The following MYL9 variants were observed in gnomAD, a reference collection of about 807,000 sequenced individuals.
MYL9 encodes myosin light chain 9, also known as myosin regulatory light polypeptide 9.
In MYL9, 7 loss-of-function variants were observed where a neutral mutation model predicts 12.8. The ratio of observed to expected loss-of-function variants is 0.55; its 90% CI spans 0.31 to 1.03. The LOEUF (loss-of-function observed/expected upper bound fraction) is 1.03. Among genes scored for constraint, MYL9 ranks in the 50% least tolerant of loss-of-function variants. The probability of loss-of-function intolerance (pLI) is 0.05; values close to 1 mark genes in which losing one functional copy is unlikely to be tolerated. For missense variants in MYL9, 190 were observed against 242.7 expected, an observed-to-expected ratio of 0.78 and a Z score of 1.44; for synonymous variants, 81 against 87.8, an observed-to-expected ratio of 0.92 and a Z score of 0.43.
At chr20:36,548,953 G>A (rs2038136563) in intron 3 of MYL9, 124 bp from the exon 4 acceptor site, 3 of 1,006,664 alleles carry the variant, frequency 3.0e-6, no homozygotes, top group East Asian at 2.6e-5. Context: ...ACTGACCAGA[G>A]ACTAAGATTG....
chr20:36,545,424 A>G (rs1285053764), intron 2 of MYL9, among the ~76,000 whole-genome samples: 10 of 150,030 alleles, frequency 6.7e-5, no homozygotes, highest in South Asian at 2.1e-4. Flanking sequence ...GTGAACCCGG[A>G]AAGCGGAGGT....
At chr20:36,545,120 C>A in intron 2 of MYL9, 52 bp downstream of exon 2, 2 of 1,586,394 alleles carry the variant, frequency 1.3e-6, no homozygotes, top group Admixed American at 1.7e-5. Context: ...GCAGGCTCTG[C>A]CAATCATTTA....
At position 36,551,093 on chromosome 20, in the gene MYL9, G is replaced by A. The variant is rs694379; in HGVS notation, c.*1844G>A. The A allele has an allele frequency of 0.62, 94,446 of 152,750 alleles. 32,448 individuals carry two copies. Among genetic ancestry groups the A allele is most frequent in the Non-Finnish European group, 0.79 (53,916 of 68,546 alleles). 9.5% of individuals were successfully genotyped at this position (152,750 alleles called of 1,614,324 possible). ...CGTCATCTAGATGTCAAGCCCCAGCGTGCGATTCTGTCACAGTTCACCCCA... is the reference window on the plus strand; with the variant it reads ...CGTCATCTAGATGTCAAGCCCCAGCATGCGATTCTGTCACAGTTCACCCCA... On this transcript the variant is annotated 3_prime_UTR_variant, in exon 4 of 4. Transcript: ENST00000279022.
At chr20:36,544,569 C>T (rs189472655) in intron 1 of MYL9, among the ~76,000 whole-genome samples, 7 of 152,316 alleles carry the variant, frequency 4.6e-5, no homozygotes, top group South Asian at 2.1e-4. Flanking sequence ...ATTCCATGCC[C>T]GGCACTGTTC....
rs753512002 is a variant in MYL9, at chr20:36,548,012, G to T, written c.185-20G>T. On this transcript the variant is annotated intron_variant, in intron 2 of 3. Transcript: ENST00000279022. ...ACAGAGGGCCCAGGACCACAGGCTG[G>T]AACACCCCACCTGCCACAGGGAAGA... 1 of 1,591,102 alleles carries T rather than the reference G, an allele frequency of 6.3e-7. No homozygotes were observed. The highest frequency in any genetic ancestry group is 1.3e-5 in the African/African-American group (1 of 74,600).
At chr20:36,544,663 T>C (rs945254086) in intron 1 of MYL9, among the ~76,000 whole-genome samples, 196 bp from the exon 2 acceptor site, 8 of 152,084 alleles carry the variant, frequency 5.3e-5, no homozygotes, top group African/African-American at 1.9e-4. Flanking sequence ...ACTCTCGGGC[T>C]CAGAGAGGTA....
intron 1 of MYL9, among the ~76,000 whole-genome samples, chr20:36,544,220 C>A (rs763175642): frequency 6.6e-6 from 1 of 152,152 alleles, no homozygotes; most frequent in Non-Finnish European, 1.5e-5. Flanking sequence ...CCACTCACCA[C>A]TGGGGGGCTG....
At chr20:36,542,961 A>G (rs2038054384) in intron 1 of MYL9, among the ~76,000 whole-genome samples, 1 of 152,190 alleles carries the variant, frequency 6.6e-6, no homozygotes, top group Admixed American at 6.5e-5. Context: ...AGAGCTTCAT[A>G]GAGTGTGGTG....
chr20:36,545,960 GA>G (rs2038095466), intron 2 of MYL9, among the ~76,000 whole-genome samples: 1 of 152,170 alleles, frequency 6.6e-6, no homozygotes, highest in African/African-American at 2.4e-5. Context: ...GCATCTAAAT[GA>G]AAGTGTGAAC....
rs375686816 is a variant in MYL9, at chr20:36,541,834, C to G, written c.-27+273C>G. Among the ~76,000 whole-genome samples, 14 of 152,342 alleles carry G rather than the reference C, an allele frequency of 9.2e-5. No individual in the cohort carries two copies. The East Asian group carries it at 2.7e-3, about 29-fold the overall frequency. On this transcript the variant is annotated intron_variant, in intron 1 of 3. Transcript: ENST00000279022. ...TCCTGCGGCAAGGGAAGGCCATCGT[C>G]CAGGCCCTGCCCCTTTGCTGAGGAG...
chr20:36,548,685 G>A (rs920551657), intron 3 of MYL9, among the ~76,000 whole-genome samples: 4 of 152,172 alleles, frequency 2.6e-5, no homozygotes, highest in African/African-American at 7.2e-5. Context: ...GGAGGTTAAG[G>A]ACCTTGCCCA....
At chr20:36,541,680 G>C (rs2038037849) in intron 1 of MYL9, 119 bp downstream of exon 1, 1 of 152,582 alleles carries the variant, frequency 6.6e-6, no homozygotes, top group Non-Finnish European at 1.5e-5. Context: ...CCACGGACTG[G>C]GACGTGGTAG....
chr20:36,545,207 G>A, intron 2 of MYL9, 139 bp downstream of exon 2: 1 of 1,053,602 alleles, frequency 9.5e-7, no homozygotes, highest in Non-Finnish European at 1.3e-6. Context: ...CCATTCAACA[G>A]GGAAACTGGG....
chr20:36,543,169 A>C (rs745463129), intron 1 of MYL9, among the ~76,000 whole-genome samples: 35 of 152,160 alleles, frequency 2.3e-4, no homozygotes, highest in Non-Finnish European at 3.8e-4. Flanking sequence ...GGTGAGAAGG[A>C]ATTCTGTCTA....
rs1443566408 is a variant in MYL9, at chr20:36,549,561, G to A, written c.*312G>A. 7.3e-6 allele frequency: 2 copies of A among 273,634 alleles called. No homozygotes were observed. The highest frequency in any genetic ancestry group is 1.4e-5 in the Non-Finnish European group (2 of 142,428). 17.0% of individuals were successfully genotyped at this position (273,634 alleles called of 1,614,324 possible). ...GCCCCATTCCGGGGCTGTTCCCCGA[G>A]GAGGAAGGGAAGGGGCTCTGTGTGC... On this transcript the variant is annotated 3_prime_UTR_variant, in exon 4 of 4. Transcript: ENST00000279022.
At chr20:36,547,757 C>T (rs1052951434) in intron 2 of MYL9, among the ~76,000 whole-genome samples, 5 of 152,212 alleles carry the variant, frequency 3.3e-5, no homozygotes, top group East Asian at 1.9e-4. Context: ...CCAGCCACAG[C>T]GAGCAGTCTG....
At position 36,549,324 on chromosome 20, in the gene MYL9, T is replaced by G; in HGVS notation, c.*75T>G. On this transcript the variant is annotated 3_prime_UTR_variant, in exon 4 of 4. Coordinates refer to ENST00000279022, the MANE Select transcript of MYL9 (RefSeq NM_006097.5). ...CACACACCCGTCCATACCAGCTCCC[T>G]GCCCATGACCCTCGCTCAGGGATCC... 1.7e-6 allele frequency: 2 copies of G among 1,192,190 alleles called. No individual in the cohort carries two copies. The highest frequency in any genetic ancestry group is 1.5e-5 in the South Asian group (1 of 67,076). The allele number at this position is 1,192,190 out of a possible 1,614,324, so 73.9% of individuals were successfully genotyped here.
At chr20:36,543,713 G>A (rs1009630102) in intron 1 of MYL9, among the ~76,000 whole-genome samples, 4 of 152,210 alleles carry the variant, frequency 2.6e-5, no homozygotes, top group African/African-American at 9.7e-5. Flanking sequence ...GGTGTAAACT[G>A]GGGGATCTAT....
intron 3 of MYL9, among the ~76,000 whole-genome samples, chr20:36,548,588 A>G (rs1178985687): frequency 6.6e-6 from 1 of 152,180 alleles, no homozygotes; most frequent in Admixed American, 6.5e-5. Context: ...TAACATGGCC[A>G]TGGGCCCGCA....
Sources: allele counts gnomAD v4.1 joint callset (sites outside exome capture counted in the v4.1 genomes callset), GRCh38; gene constraint gnomAD v4.1.1; transcripts MANE v1.5; gene names NCBI Gene and HGNC (gene_info 2026-07-23, HGNC 2026-07-21).